FUT8: variants seen among roughly 807,000 people sequenced by gnomAD.
The protein encoded by FUT8 is alpha-(1,6)-fucosyltransferase.
In FUT8, 29 loss-of-function variants were observed where a neutral mutation model predicts 71.3. That is an observed-to-expected ratio of 0.41 (90% CI 0.30 to 0.55). FUT8 has a LOEUF of 0.55. Among genes scored for constraint, FUT8 ranks in the 20% least tolerant of loss-of-function variants. FUT8 has a pLI of 0.34. For synonymous variants in FUT8, 254 were observed against 239.3 expected (o/e 1.06, Z -0.57); for missense variants, 544 against 702.1 (o/e 0.77, Z 2.55).
chr14:65,720,022 C>T (rs1015909189), intron 7 of FUT8, among the ~76,000 whole-genome samples: 1 of 152,220 alleles, frequency 6.6e-6, no homozygotes, highest in Non-Finnish European at 1.5e-5. Flanking sequence ...CAAAGCCAGT[C>T]AGGCTTTTAT....
At chr14:65,394,234 C>T in the FUT8 span, among the ~76,000 whole-genome samples, 1 of 152,172 alleles carries the variant, frequency 6.6e-6, no homozygotes, top group Non-Finnish European at 1.5e-5. Flanking sequence ...GCTGGGATTA[C>T]AGGCATGAGC....
At chr14:65,481,687 G>A (rs923293885) in intron 2 of FUT8, among the ~76,000 whole-genome samples, 3 of 151,462 alleles carry the variant, frequency 2.0e-5, no homozygotes, top group African/African-American at 4.8e-5. Context: ...CTTTTCTAAA[G>A]TTTTTTTTTA....
At chr14:65,567,243 C>T (rs1031180600) in intron 3 of FUT8, among the ~76,000 whole-genome samples, 7 of 151,920 alleles carry the variant, frequency 4.6e-5, no homozygotes, top group African/African-American at 1.7e-4. Context: ...AGCTGTAAAA[C>T]TGTAAATTTA....
At chr14:65,740,234 G>C (rs993967791) in intron 10 of FUT8, among the ~76,000 whole-genome samples, 1 of 151,670 alleles carries the variant, frequency 6.6e-6, no homozygotes, top group African/African-American at 2.4e-5. Context: ...CTATTATTTT[G>C]GTTCTATATC....
chr14:65,636,306 A>G (rs1022129959), intron 6 of FUT8, among the ~76,000 whole-genome samples: 6 of 96,892 alleles, frequency 6.2e-5, no homozygotes, highest in African/African-American at 2.3e-4. Context: ...TGTTTCATTT[A>G]TCTTTTGTAT....
chr14:65,634,523 A>AAAT (rs1477256330), intron 6 of FUT8, among the ~76,000 whole-genome samples: 3 of 151,024 alleles, frequency 2.0e-5, no homozygotes, highest in Non-Finnish European at 4.4e-5. Flanking sequence ...TGACCCTGCC[A>AAAT]AATCCCCCTC....
chr14:65,566,507 A>G (rs970973777), intron 3 of FUT8, among the ~76,000 whole-genome samples: 10 of 152,010 alleles, frequency 6.6e-5, no homozygotes, highest in Admixed American at 5.9e-4. Context: ...TTGATAGATA[A>G]TAGAGAACAA....
chr14:65,629,168 A>G (rs1424016597), intron 5 of FUT8, among the ~76,000 whole-genome samples: 2 of 152,200 alleles, frequency 1.3e-5, no homozygotes, highest in Non-Finnish European at 2.9e-5. Context: ...TCTCTATGTT[A>G]ATTTACTCAT....
At chr14:65,375,081 T>G in the FUT8 span, among the ~76,000 whole-genome samples, 4 of 152,116 alleles carry the variant, frequency 2.6e-5, no homozygotes, top group African/African-American at 9.7e-5. Context: ...GGGTGGTCAT[T>G]TCTTAAGTGG....
chr14:65,483,961 C>G lies in FUT8; in HGVS notation c.-228+28243C>G, dbSNP rs2066370489. On this transcript the variant is annotated intron_variant, in intron 2 of 10. Coordinates refer to ENST00000673929, the MANE Select transcript of FUT8 (RefSeq NM_001371533.1). The surrounding 1 kb of genome is among the most constrained non-coding windows in gnomAD (Gnocchi z 4.4). ...CAGGCTGGTCTCGAACTCCTGACCT[C>G]AAGTATCTGCCCTCCTCGGCCTCCC... 6.6e-6 allele frequency among the ~76,000 whole-genome samples: 1 copy of G among 152,148 alleles called. No individual in the cohort carries two copies. Among genetic ancestry groups the G allele is most frequent in the Non-Finnish European group, 1.5e-5 (1 of 68,022 alleles).
intron 7 of FUT8, among the ~76,000 whole-genome samples, chr14:65,720,470 G>A (rs1331101410): frequency 2.0e-5 from 3 of 152,228 alleles, no homozygotes; most frequent in Non-Finnish European, 4.4e-5. Flanking sequence ...CTGTGGCTGA[G>A]CTGTTATCCA....
intron 7 of FUT8, among the ~76,000 whole-genome samples, chr14:65,701,484 A>G (rs1894292561): frequency 6.6e-6 from 1 of 152,230 alleles, no homozygotes; most frequent in Admixed American, 6.5e-5. Flanking sequence ...TAATTATTAG[A>G]AAATACGACT....
intron 7 of FUT8, among the ~76,000 whole-genome samples, chr14:65,713,278 T>C (rs1398665188): frequency 1.3e-5 from 2 of 152,214 alleles, no homozygotes; most frequent in African/African-American, 4.8e-5. Flanking sequence ...TTGTGTATAT[T>C]TACCATATTT....
At chr14:65,460,108 T>C (rs1010532024) in intron 2 of FUT8, among the ~76,000 whole-genome samples, 1 of 152,196 alleles carries the variant, frequency 6.6e-6, no homozygotes, top group Non-Finnish European at 1.5e-5. Context: ...CTCATTGTAT[T>C]GTACCAATTT....
In FUT8 at chr14:65,585,657, G is replaced by A. The variant is rs1019490526; in HGVS notation, c.203+23891G>A. ...GTTTTAAAATATACTTTTAGACAAGGAATAAAAAAAGTAAATATAAATGCT... is the reference window on the plus strand; with the variant it reads ...GTTTTAAAATATACTTTTAGACAAGAAATAAAAAAAGTAAATATAAATGCT... On this transcript the variant is annotated intron_variant, in intron 3 of 10. Transcript: ENST00000673929. Among the ~76,000 whole-genome samples the A allele has an allele frequency of 3.3e-5, 5 of 152,044 alleles. No individual in the cohort carries two copies. The East Asian group carries it at 7.7e-4, about 23-fold the overall frequency.
intron 6 of FUT8, among the ~76,000 whole-genome samples, chr14:65,665,408 A>G (rs1892161780): frequency 6.6e-6 from 1 of 152,152 alleles, no homozygotes; most frequent in South Asian, 2.1e-4. Context: ...TTCCATTTGC[A>G]TGTTCTGAGT....
intron 7 of FUT8, 72 bp from the exon 8 acceptor site, chr14:65,721,703 A>G (rs1895424751): frequency 6.8e-7 from 1 of 1,467,776 alleles, no homozygotes; most frequent in Non-Finnish European, 9.5e-7. Flanking sequence ...AGCACTCAGA[A>G]TAAGTTCTTG....
intron 7 of FUT8, among the ~76,000 whole-genome samples, chr14:65,717,808 C>T (rs890348996): frequency 6.6e-6 from 1 of 151,448 alleles, no homozygotes; most frequent in Admixed American, 6.6e-5. Context: ...CAGAGGCGCT[C>T]CTCACCTCCT....
the FUT8 span, among the ~76,000 whole-genome samples, chr14:65,378,595 A>G: frequency 6.6e-6 from 1 of 152,296 alleles, no homozygotes; most frequent in Non-Finnish European, 1.5e-5. Context: ...CCTGAAAGCT[A>G]TTTATTTTGG....
Sources: allele counts gnomAD v4.1 joint callset (sites outside exome capture counted in the v4.1 genomes callset), GRCh38; gene constraint gnomAD v4.1.1; non-coding constraint Gnocchi (gnomAD v3.1); transcripts MANE v1.5; gene names NCBI Gene and HGNC (gene_info 2026-07-23, HGNC 2026-07-21).